The following UNC13B variants were observed in gnomAD, a reference collection of about 807,000 sequenced individuals.
UNC13B encodes the protein unc-13 homolog B.
Under a neutral mutation model 211.0 loss-of-function variants are expected in UNC13B, and 144 were observed. The ratio of observed to expected loss-of-function variants is 0.68; its 90% confidence interval spans 0.60 to 0.78. The LOEUF (loss-of-function observed/expected upper bound fraction) is 0.78, where lower values mean the gene tolerates loss of function less well. Among genes scored for constraint, UNC13B ranks in the 30% least tolerant of loss-of-function variants. The pLI is 0.00. For synonymous variants in UNC13B, 709 were observed against 725.8 expected, an observed-to-expected ratio of 0.98 and a Z score of 0.37; for missense variants, 1,777 against 2,002.0, an observed-to-expected ratio of 0.89 and a Z score of 2.14.
At position 35,342,106 on chromosome 9, in the gene UNC13B, C is replaced by G. The variant is rs1003812965; in HGVS notation, c.9415-24841C>G. The stretch of plus-strand genomic sequence containing the variant: ...ATTGTTTCTGTCATCAACTTTGTGC[C>G]GTGGAGCCAGCCAGCTGGGTGCAAC... On this transcript the variant is annotated intron_variant, in intron 11 of 39. Transcript: ENST00000635942. 5 of 985,320 alleles carry G rather than the reference C, an allele frequency of 5.1e-6. No individual in the cohort carries two copies. The South Asian group carries it at 2.4e-4, about 46-fold the overall frequency. The allele number at this position is 985,320 out of a possible 1,614,324, so 61.0% of individuals were successfully genotyped here.
chr9:35,289,439 T>C (rs1348120512), intron 7 of UNC13B, among the ~76,000 whole-genome samples: 1 of 152,136 alleles, frequency 6.6e-6, no homozygotes, highest in Non-Finnish European at 1.5e-5. Context: ...TTATTAGGAC[T>C]CTGTAAGGCA....
chr9:35,230,531 A>G (rs933361076), intron 2 of UNC13B, among the ~76,000 whole-genome samples: 9 of 150,610 alleles, frequency 6.0e-5, no homozygotes, highest in Non-Finnish European at 1.3e-4. Flanking sequence ...GGCCAAACTG[A>G]GTAGATCGAG....
intron 11 of UNC13B, among the ~76,000 whole-genome samples, chr9:35,354,782 C>T (rs942702755): frequency 3.9e-5 from 6 of 152,106 alleles, no homozygotes; most frequent in Admixed American, 1.3e-4. Context: ...TGCACTTGTA[C>T]GTTGCTGGTG....
At chr9:35,337,961 C>T (rs1352336589) in intron 11 of UNC13B, among the ~76,000 whole-genome samples, 1 of 152,114 alleles carries the variant, frequency 6.6e-6, no homozygotes, top group East Asian at 1.9e-4. Context: ...TTAGAGGATC[C>T]TCGGTATATG....
intron 1 of UNC13B, among the ~76,000 whole-genome samples, chr9:35,185,622 C>T (rs1042332826): frequency 2.0e-5 from 3 of 151,974 alleles, no homozygotes; most frequent in South Asian, 2.1e-4. Context: ...CTCTATAATC[C>T]GAAAATAAAA....
chr9:35,182,672 C>T (rs796831529), intron 1 of UNC13B, among the ~76,000 whole-genome samples: 1 of 152,158 alleles, frequency 6.6e-6, no homozygotes, highest in East Asian at 1.9e-4. Flanking sequence ...GTGGTGATGA[C>T]TCTTAACGAG....
chr9:35,372,204 G>A (rs906508426), intron 13 of UNC13B, among the ~76,000 whole-genome samples: 18 of 152,166 alleles, frequency 1.2e-4, no homozygotes, highest in Admixed American at 3.9e-4. Context: ...CCCGGGAGGC[G>A]GAAGTTGCAA....
chr9:35,359,846 C>T (rs1833279740), intron 11 of UNC13B, among the ~76,000 whole-genome samples: 1 of 152,134 alleles, frequency 6.6e-6, no homozygotes, highest in African/African-American at 2.4e-5. Flanking sequence ...GAACCTTGTC[C>T]CTCTACAGTC....
At chr9:35,354,401 C>A in intron 11 of UNC13B, among the ~76,000 whole-genome samples, 1 of 152,112 alleles carries the variant, frequency 6.6e-6, no homozygotes, top group Middle Eastern at 3.2e-3. Context: ...TGACACAGAA[C>A]CTTATTTCTG....
At chr9:35,366,654 A>G (rs1833789601) in intron 11 of UNC13B, among the ~76,000 whole-genome samples, 1 of 152,168 alleles carries the variant, frequency 6.6e-6, no homozygotes, top group Non-Finnish European at 1.5e-5. Context: ...GTCTACACTA[A>G]TGGCTCATAT....
At chr9:35,272,643 A>G (rs1663935453) in intron 7 of UNC13B, among the ~76,000 whole-genome samples, 1 of 152,180 alleles carries the variant, frequency 6.6e-6, no homozygotes, top group Admixed American at 6.6e-5. Flanking sequence ...TTTAAAAGGG[A>G]TAAATATTTT....
At chr9:35,371,235 TCC>T (rs1176893469) in intron 13 of UNC13B, among the ~76,000 whole-genome samples, 1 of 152,138 alleles carries the variant, frequency 6.6e-6, no homozygotes, top group African/African-American at 2.4e-5. Flanking sequence ...AGTTTCTCCC[TCC>T]TTAGTTGACC....
At chr9:35,209,750 A>G (rs1823865109) in intron 1 of UNC13B, among the ~76,000 whole-genome samples, 2 of 151,980 alleles carry the variant, frequency 1.3e-5, no homozygotes, top group South Asian at 4.1e-4. Context: ...TCCCTTTTCT[A>G]CCCCCTTCTT....
chr9:35,226,064 G>A (rs537349168), intron 1 of UNC13B, among the ~76,000 whole-genome samples: 1 of 152,262 alleles, frequency 6.6e-6, no homozygotes, highest in Non-Finnish European at 1.5e-5. Context: ...CTGGAGAACT[G>A]TCCTGCATAC....
intron 1 of UNC13B, among the ~76,000 whole-genome samples, chr9:35,172,231 G>A (rs1386037440): frequency 1.3e-5 from 2 of 151,228 alleles, no homozygotes; most frequent in Admixed American, 1.3e-4. Context: ...TTGGGGATAT[G>A]TGTCATATTT....
At chr9:35,172,114 C>A (rs188197179) in intron 1 of UNC13B, among the ~76,000 whole-genome samples, 3 of 151,214 alleles carry the variant, frequency 2.0e-5, no homozygotes, top group Non-Finnish European at 2.9e-5. Context: ...GGCTCAAGGC[C>A]TCCTCCTGCC....
intron 24 of UNC13B, 73 bp from the exon 25 acceptor site, chr9:35,389,773 G>A: frequency 6.5e-7 from 1 of 1,539,736 alleles, no homozygotes; most frequent in South Asian, 1.1e-5. Flanking sequence ...AGAGAAAGAG[G>A]ATCGTTGGAG....
chr9:35,390,544 A>G, intron 25 of UNC13B, 85 bp from the exon 26 acceptor site: 1 of 1,461,334 alleles, frequency 6.8e-7, no homozygotes, highest in Non-Finnish European at 9.6e-7. Flanking sequence ...TATGACTTCC[A>G]AGAACTAGGC....
intron 5 of UNC13B, among the ~76,000 whole-genome samples, chr9:35,241,666 C>T (rs1825822908): frequency 6.6e-6 from 1 of 152,010 alleles, no homozygotes; most frequent in Non-Finnish European, 1.5e-5. Context: ...CTGTTTTGCA[C>T]TTAGTATATC....
Sources: allele counts gnomAD v4.1 joint callset (sites outside exome capture counted in the v4.1 genomes callset), GRCh38; gene constraint gnomAD v4.1.1; transcripts MANE v1.5; gene names NCBI Gene and HGNC (gene_info 2026-07-23, HGNC 2026-07-21).